RBFOX1: variants seen among roughly 807,000 people sequenced by gnomAD.
The protein encoded by RBFOX1 is RNA binding protein fox-1 homolog 1.
A neutral mutation model predicts 57.7 loss-of-function variants in RBFOX1; 8 were observed. The ratio of observed to expected loss-of-function variants is 0.14; its 90% CI spans 0.08 to 0.25. The LOEUF is 0.25. Among genes scored for constraint, RBFOX1 ranks in the 10% least tolerant of loss-of-function variants. The pLI is 1.00. For missense variants in RBFOX1, 611 were observed against 548.5 expected (o/e 1.11, Z -1.14); for synonymous variants, 326 against 222.4 (o/e 1.47, Z -4.15).
Position 6,269,738 on chromosome 16 carries a change from G to T in RBFOX1, c.-126-47257G>T, listed in dbSNP as rs532209816. ...GTCTACCTTAAAAGAATGGCTGAAA[G>T]AAATTTTCTAAACAGAAAGGAAAGG... On this transcript the variant is annotated intron_variant, in intron 1 of 15. Transcript: ENST00000550418. 5.3e-5 allele frequency among the ~76,000 whole-genome samples: 8 copies of T among 152,180 alleles called. No individual in the cohort carries two copies. In the East Asian group the frequency reaches 1.5e-3, roughly 29 times the overall value.
At chr16:5,831,701 C>T (rs991343194) in intron 3 of RBFOX1, among the ~76,000 whole-genome samples, 1 of 151,960 alleles carries the variant, frequency 6.6e-6, no homozygotes, top group Non-Finnish European at 1.5e-5. Flanking sequence ...GTTGGAGAGG[C>T]TGGGATTACA....
chr16:7,353,365 G>C (rs1195521231), intron 4 of RBFOX1, among the ~76,000 whole-genome samples: 1 of 152,102 alleles, frequency 6.6e-6, no homozygotes, highest in African/African-American at 2.4e-5. Flanking sequence ...TTGCTGGCAG[G>C]AATGTAAAAT....
chr16:7,645,435 C>T (rs1357628021), intron 11 of RBFOX1, among the ~76,000 whole-genome samples: 1 of 152,118 alleles, frequency 6.6e-6, no homozygotes, highest in African/African-American at 2.4e-5. Context: ...AAATGGCACA[C>T]GCAGCCAGGA....
At chr16:7,000,294 A>T (rs998147053) in intron 3 of RBFOX1, among the ~76,000 whole-genome samples, 1 of 152,130 alleles carries the variant, frequency 6.6e-6, no homozygotes, top group Non-Finnish European at 1.5e-5. Flanking sequence ...AAGTTTTATT[A>T]TCAGAAATTT....
intron 2 of RBFOX1, among the ~76,000 whole-genome samples, chr16:6,371,860 C>T (rs972498011): frequency 2.6e-5 from 4 of 152,186 alleles, no homozygotes; most frequent in Admixed American, 1.3e-4. Context: ...GTTAAAATTT[C>T]CCTGCCTATC....
chr16:5,599,150 G>T (rs1454556605), exon 3 of RBFOX1: 3 of 680,446 alleles, frequency 4.4e-6, no homozygotes, highest in Non-Finnish European at 7.8e-6. Flanking sequence ...CACTTGGGCC[G>T]TATTCCCAGC....
intron 5 of RBFOX1, among the ~76,000 whole-genome samples, chr16:7,521,700 T>C (rs2077544427): frequency 6.6e-6 from 1 of 152,264 alleles, no homozygotes; most frequent in Non-Finnish European, 1.5e-5. Flanking sequence ...TCACAGGTTT[T>C]ATCTATCATA....
chr16:5,506,474 T>G (rs1190182627), intron 2 of RBFOX1, among the ~76,000 whole-genome samples: 1 of 152,130 alleles, frequency 6.6e-6, no homozygotes, highest in East Asian at 1.9e-4. Flanking sequence ...AACAAACAAA[T>G]TAGGAATGTC....
chr16:5,591,482 C>G (rs1052497805), intron 2 of RBFOX1, among the ~76,000 whole-genome samples: 2 of 152,108 alleles, frequency 1.3e-5, no homozygotes, highest in African/African-American at 2.4e-5. Context: ...TACTCCTGAC[C>G]TCAGGTGATC....
intron 4 of RBFOX1, among the ~76,000 whole-genome samples, chr16:7,360,756 T>C (rs1469718730): frequency 1.3e-5 from 2 of 152,204 alleles, no homozygotes; most frequent in African/African-American, 4.8e-5. Context: ...ATCTCTTTTT[T>C]CCTATCTGTG....
chr16:5,609,375 C>T (rs2047695571), intron 3 of RBFOX1, among the ~76,000 whole-genome samples: 1 of 152,210 alleles, frequency 6.6e-6, no homozygotes, highest in Admixed American at 6.5e-5. Context: ...TGTCGCTTGT[C>T]TGAGACAGGA....
intron 3 of RBFOX1, among the ~76,000 whole-genome samples, chr16:6,820,346 T>A (rs1056123298): frequency 2.0e-5 from 3 of 152,116 alleles, no homozygotes; most frequent in African/African-American, 7.2e-5. Context: ...GATTCCCTAA[T>A]GGATAGATAG....
At chr16:6,597,895 C>T (rs115579333) in intron 2 of RBFOX1, among the ~76,000 whole-genome samples, 3,482 of 152,224 alleles carry the variant, frequency 0.023, 147 homozygotes, top group African/African-American at 0.079. Flanking sequence ...AAGTGAGTAT[C>T]CTCAGAACAA....
intron 4 of RBFOX1, among the ~76,000 whole-genome samples, chr16:7,400,889 G>A (rs890073235): frequency 5.9e-5 from 9 of 152,286 alleles, no homozygotes; most frequent in African/African-American, 1.7e-4. Context: ...AAAACAGTGC[G>A]GTTGATGATC....
intron 1 of RBFOX1, among the ~76,000 whole-genome samples, chr16:6,211,819 C>CTTTTT (rs200639586): frequency 7.0e-6 from 1 of 142,288 alleles, no homozygotes; most frequent in Non-Finnish European, 1.5e-5. Context: ...AGGAATACAT[C>CTTTTT]TTTTATTTAT....
intron 5 of RBFOX1, among the ~76,000 whole-genome samples, chr16:7,558,556 T>A (rs1447603544): frequency 2.0e-5 from 3 of 152,162 alleles, no homozygotes; most frequent in Non-Finnish European, 4.4e-5. Context: ...ACTTTCTTAC[T>A]ATATATGCTT....
intron 2 of RBFOX1, among the ~76,000 whole-genome samples, chr16:6,328,648 T>C (rs975721182): frequency 2.0e-5 from 3 of 152,202 alleles, no homozygotes; most frequent in Admixed American, 1.3e-4. Flanking sequence ...GTAGGAAAGT[T>C]ACTTAATCCT....
intron 4 of RBFOX1, among the ~76,000 whole-genome samples, chr16:5,945,399 G>C (rs557277626): frequency 6.6e-6 from 1 of 152,334 alleles, no homozygotes; most frequent in Non-Finnish European, 1.5e-5. Context: ...TTCTGCTGCT[G>C]CTGGACATTG....
intron 1 of RBFOX1, among the ~76,000 whole-genome samples, chr16:6,125,720 G>A (rs1419818504): frequency 6.6e-6 from 1 of 152,124 alleles, no homozygotes; most frequent in African/African-American, 2.4e-5. Context: ...GGTTGATCAG[G>A]ATTTGCAGGA....
Sources: gnomAD v4.1 joint callset for allele counts (sites outside exome capture counted in the v4.1 genomes callset) on GRCh38, gnomAD v4.1.1 for gene constraint, MANE v1.5 for transcripts, NCBI Gene and HGNC (gene_info 2026-07-23, HGNC 2026-07-21) for gene names.